Variants in MTDH observed in about 807,000 individuals in gnomAD.
MTDH encodes metadherin.
In MTDH, 34 loss-of-function variants were observed where a neutral mutation model predicts 72.7. That is an observed-to-expected ratio of 0.47 (90% CI 0.36 to 0.62). The LOEUF (loss-of-function observed/expected upper bound fraction) is 0.62. Among genes scored for constraint, MTDH ranks in the 20% least tolerant of loss-of-function variants. The pLI, the probability that MTDH is intolerant of heterozygous loss-of-function variation, is 0.00. For missense variants in MTDH, 677 were observed against 699.4 expected (o/e 0.97, Z 0.36); for synonymous variants, 266 against 268.9 (o/e 0.99, Z 0.10).
chr8:97,728,770 A>AAAAT lies in MTDH; in HGVS notation c.*4103_*4104insTAAA, dbSNP rs1294272277. The AAAAT allele has an allele frequency of 2.0e-5, 3 of 151,620 alleles. No individual in the cohort carries two copies. The highest frequency in any genetic ancestry group is 4.4e-5 in the Non-Finnish European group (3 of 67,962). 9.4% of individuals were successfully genotyped at this position (151,620 alleles called of 1,614,324 possible). On this transcript the variant is annotated 3_prime_UTR_variant, in exon 12 of 12. Transcript: ENST00000336273. ...CCCCCATCTCGACAAAAAAAAAAAA[A>AAAAT]AAAAATTAGAAACAAAAAAAAGATT...
Position 97,644,584 on chromosome 8 carries a change from G to T in MTDH, c.78G>T (p.Ser26=), listed in dbSNP as rs1470901074. Residue 26 remains serine, a synonymous_variant, in exon 1 of 12, where the codon TCG becomes TCT. Transcript: ENST00000336273. ...CGGCCCGGCTGCGGGAAATGCTCTCGGTCGGCCTAGGCTTTCTGCGCACCG... is the reference window on the plus strand; with the variant it reads ...CGGCCCGGCTGCGGGAAATGCTCTCTGTCGGCCTAGGCTTTCTGCGCACCG... ...EGSARLREML[S]VGLGFLRTEL... 1.2e-6 allele frequency: 2 copies of T among 1,608,092 alleles called. No homozygotes were observed. Among genetic ancestry groups the T allele is most frequent in the African/African-American group, 2.7e-5 (2 of 74,620 alleles).
At chr8:97,650,665 A>G (rs1811736428) in intron 1 of MTDH, among the ~76,000 whole-genome samples, 1 of 152,136 alleles carries the variant, frequency 6.6e-6, no homozygotes, top group South Asian at 2.1e-4. Flanking sequence ...CTAGAGTTAT[A>G]TATTGTAACA....
intron 2 of MTDH, among the ~76,000 whole-genome samples, chr8:97,668,015 C>T (rs564533672): frequency 4.8e-4 from 73 of 152,072 alleles, no homozygotes; most frequent in African/African-American, 1.8e-3. Context: ...CCGCCAGGCG[C>T]GGTGGCTCAC....
At chr8:97,661,229 A>G (rs961012235) in intron 2 of MTDH, 56 bp downstream of exon 2, 32 of 1,255,846 alleles carry the variant, frequency 2.5e-5, no homozygotes, top group Non-Finnish European at 3.3e-5. Context: ...ATGACATATA[A>G]GGATAATGCT....
chr8:97,666,178 C>T (rs140298113), intron 2 of MTDH, among the ~76,000 whole-genome samples: 62 of 150,750 alleles, frequency 4.1e-4, no homozygotes, highest in African/African-American at 1.4e-3. Context: ...GTAAAGATTG[C>T]TAGTGAGAGA....
chr8:97,693,543 G>T (rs1399919020), intron 6 of MTDH, among the ~76,000 whole-genome samples: 8 of 152,100 alleles, frequency 5.3e-5, no homozygotes, highest in Admixed American at 5.2e-4. Context: ...GGCCAGGCTG[G>T]TCTCAAACTC....
chr8:97,724,670 A>C lies in MTDH; in HGVS notation c.1749A>C (p.Ter583CysextTer5), dbSNP rs1234417986. The C allele has an allele frequency of 6.3e-7, 1 of 1,591,820 alleles. No individual in the cohort carries two copies. The highest frequency in any genetic ancestry group is 1.2e-5 in the South Asian group (1 of 85,890). The part of the protein sequence containing the change: ...KKKKKARRET[*>C] Reference sequence around the variant, plus strand: ...AGAAAAAAGCCAGACGAGAAACGTGAAATTTTTTTTCCTGAATTGGACATG... The same window carrying C: ...AGAAAAAAGCCAGACGAGAAACGTGCAATTTTTTTTCCTGAATTGGACATG... The change falls in exon 12 of 12, where the codon TGA becomes TGC. Residue 583 changes from the stop codon to cysteine (C), a stop_lost. Transcript: ENST00000336273.
In MTDH at chr8:97,730,012, C is replaced by T. The variant is rs750995158; in HGVS notation, c.*5342C>T. 4.6e-5 allele frequency among the ~76,000 whole-genome samples: 7 copies of T among 152,154 alleles called. No homozygotes were observed. Among genetic ancestry groups the T allele is most frequent in the Non-Finnish European group, 8.8e-5 (6 of 68,034 alleles). On this transcript the variant is annotated 3_prime_UTR_variant, in exon 12 of 12. Coordinates refer to ENST00000336273, the MANE Select transcript of MTDH (RefSeq NM_178812.4). ...ACTCTAACAGGACGATGATTTCTAA[C>T]CCTAGCATCATGACATGTATATAGT...
intron 2 of MTDH, among the ~76,000 whole-genome samples, chr8:97,668,290 A>G (rs1586220157): frequency 6.6e-6 from 1 of 152,170 alleles, no homozygotes; most frequent in East Asian, 1.9e-4. Context: ...GCATCTCAAA[A>G]AAAAAGAAAA....
intron 9 of MTDH, among the ~76,000 whole-genome samples, chr8:97,714,451 A>G (rs898781205): frequency 6.6e-6 from 1 of 151,646 alleles, no homozygotes; most frequent in African/African-American, 2.4e-5. Context: ...TGTCTCTACA[A>G]AAATTAGCTA....
intron 7 of MTDH, among the ~76,000 whole-genome samples, chr8:97,703,382 T>A (rs747683777): frequency 2.0e-5 from 3 of 152,182 alleles, no homozygotes; most frequent in Non-Finnish European, 4.4e-5. Context: ...CTAAGCATTT[T>A]ACTCGATTTT....
At chr8:97,671,116 C>T (rs992117067) in intron 2 of MTDH, among the ~76,000 whole-genome samples, 1 of 152,034 alleles carries the variant, frequency 6.6e-6, no homozygotes, top group African/African-American at 2.4e-5. Context: ...CAGGCGCCCA[C>T]CACCGCGCCC....
At chr8:97,704,910 T>C (rs1406138543) in intron 7 of MTDH, among the ~76,000 whole-genome samples, 2 of 152,158 alleles carry the variant, frequency 1.3e-5, no homozygotes, top group African/African-American at 4.8e-5. Context: ...CTTCTAGATA[T>C]AAAAATGTAT....
At chr8:97,714,476 C>T (rs907339815) in intron 9 of MTDH, among the ~76,000 whole-genome samples, 4 of 144,814 alleles carry the variant, frequency 2.8e-5, no homozygotes, top group East Asian at 2.2e-4. Context: ...CGGTGGCATA[C>T]GCTTGTAGCC....
chr8:97,662,660 C>A (rs534952071), intron 2 of MTDH, among the ~76,000 whole-genome samples: 1 of 151,760 alleles, frequency 6.6e-6, no homozygotes, highest in Non-Finnish European at 1.5e-5. Context: ...GTGGCACATG[C>A]CTGTAATCCC....
intron 9 of MTDH, among the ~76,000 whole-genome samples, chr8:97,715,493 T>C (rs1373097879): frequency 2.0e-5 from 3 of 152,226 alleles, no homozygotes. Context: ...AGTTATTTTT[T>C]ATTGTGGGAA....
intron 10 of MTDH, among the ~76,000 whole-genome samples, chr8:97,722,370 G>A (rs563959447): frequency 6.6e-6 from 1 of 152,364 alleles, no homozygotes; most frequent in African/African-American, 2.4e-5. Context: ...GGGAGGCTGA[G>A]GCAGGCGGAT....
At chr8:97,706,479 A>AT (rs200596685) in intron 7 of MTDH, 147 bp from the exon 8 acceptor site, 4,383 of 562,880 alleles carry the variant, frequency 7.8e-3, no homozygotes, top group African/African-American at 9.7e-3. Flanking sequence ...CCTTCATGTT[A>AT]TTTTTTTTTC....
rs564083276 is a variant in MTDH at position 97,722,899 on chromosome 8, T to C, written c.1542T>C (p.Pro514=). 6.2e-7 allele frequency: 1 copy of C among 1,612,322 alleles called. No individual in the cohort carries two copies. Among genetic ancestry groups the C allele is most frequent in the East Asian group, 2.2e-5 (1 of 44,840 alleles). ...AATAGCCTATCAAGACTCTTCCACC[T>C]GCTACTTCTACCGAGCCATCTGTAA... ...KNSQPIKTLP[P]ATSTEPSVIL... The change falls in exon 11 of 12, where the codon CCT becomes CCC. Residue 514 remains proline (P), a synonymous_variant. Transcript: ENST00000336273.
Sources: gnomAD v4.1 joint callset for allele counts (sites outside exome capture counted in the v4.1 genomes callset) on GRCh38, gnomAD v4.1.1 for gene constraint, MANE v1.5 for transcripts, NCBI Gene and HGNC (gene_info 2026-07-23, HGNC 2026-07-21) for gene names.